Variants in DMBT1 observed in about 807,000 individuals in gnomAD.
DMBT1 encodes deleted in malignant brain tumors 1, also known as scavenger receptor cysteine-rich domain-containing protein DMBT1.
A neutral mutation model predicts 252.9 loss-of-function variants in DMBT1; 198 were observed. The ratio of observed to expected loss-of-function variants is 0.78; its 90% CI spans 0.70 to 0.88. The LOEUF is 0.88. Ranked by LOEUF, DMBT1 falls within the 40% of genes least tolerant of loss-of-function variation. The pLI is 0.00. For missense variants in DMBT1, 2,432 were observed against 2,404.7 expected (o/e 1.01, Z -0.24); for synonymous variants, 990 against 942.7 (o/e 1.05, Z -0.92).
chr10:122,629,131 A>G (rs2098139293), intron 46 of DMBT1, among the ~76,000 whole-genome samples: 1 of 152,224 alleles, frequency 6.6e-6, no homozygotes, highest in African/African-American at 2.4e-5. Flanking sequence ...CTGGGTGCTT[A>G]TGTGCCTGGC....
In DMBT1 at chr10:122,598,875, G is replaced by A; in HGVS notation, c.3058G>A (p.Asp1020Asn). The change falls in exon 26 of 56, where the codon GAC becomes AAC. Residue 1020 changes from aspartate (D) to asparagine (N), a missense_variant. Physicochemically the swap from Asp to Asn is conservative, Grantham distance 23. Around this residue, in one of 3 missense-constraint regions of DMBT1, gnomAD observed 1,264 missense variants for 1,082.2 expected, o/e 1.17. Coordinates refer to ENST00000338354, the MANE Select transcript of DMBT1 (RefSeq NM_001377530.1). ...YQGSWGTVCD[D>N]SWDTNDANVV... ...AGGCTCCTGGGGCACCGTGTGCGAT[G>A]ACAGCTGGGACACCAATGATGCCAA... is the stretch of plus-strand genomic sequence containing the variant. The A allele has an allele frequency of 1.2e-6, 2 of 1,613,846 alleles. No individual in the cohort carries two copies. Among genetic ancestry groups the A allele is most frequent in the East Asian group, 2.2e-5 (1 of 44,868 alleles).
intron 26 of DMBT1, 88 bp downstream of exon 26, chr10:122,599,185 A>C: frequency 1.3e-6 from 2 of 1,596,628 alleles, no homozygotes; most frequent in South Asian, 2.3e-5. Flanking sequence ...TCCTCACTCA[A>C]AGCTTCTTCT....
intron 42 of DMBT1, among the ~76,000 whole-genome samples, chr10:122,619,644 T>C (rs1395116389): frequency 6.6e-6 from 1 of 152,240 alleles, no homozygotes; most frequent in East Asian, 1.9e-4. Flanking sequence ...TATTCAGAGC[T>C]GATACAACCT....
chr10:122,579,886 G>T lies in DMBT1; in HGVS notation c.988G>T (p.Gly330Cys), dbSNP rs1242808802. The T allele has an allele frequency of 1.2e-6, 2 of 1,613,854 alleles. No homozygotes were observed. Among genetic ancestry groups the T allele is most frequent in the South Asian group, 2.2e-5 (2 of 91,082 alleles). ...CAACTGTGGCCATAGTGAAGACGCT[G>T]GTGTCATCTGCTCAGGTGGGCCTTC... ...THNCGHSEDA[G>C]VICSAPQSRP... is the part of the protein sequence containing the mutation. Residue 330 changes from glycine to cysteine, a missense_variant, in exon 10 of 56, where the codon GGT becomes TGT. This residue lies in a region of DMBT1 where 1,264 missense variants were observed against 1,082.2 expected (regional missense o/e 1.17). Transcript: ENST00000338354.
Position 122,636,045 on chromosome 10 carries a change from C to T in DMBT1, c.6603C>T (p.Arg2201=). ...TTGAAGTTTTCGATGGCCCCTACCG[C>T]AGTTCCCCTCTCATTGCTCGAGTTT... ...DYIEVFDGPY[R]SSPLIARVCD... The change falls in exon 53 of 56, where the codon CGC becomes CGT. Residue 2201 remains arginine, a synonymous_variant. Transcript: ENST00000338354. The T allele has an allele frequency of 3.7e-6, 6 of 1,613,988 alleles. No homozygotes were observed. The highest frequency in any genetic ancestry group is 5.1e-6 in the Non-Finnish European group (6 of 1,179,898).
intron 42 of DMBT1, 86 bp downstream of exon 42, chr10:122,619,423 T>G (rs2098039323): frequency 6.4e-7 from 1 of 1,557,718 alleles, no homozygotes; most frequent in African/African-American, 1.4e-5. Context: ...CTCCTGCTTT[T>G]CTGTGCGGAT....
intron 25 of DMBT1, 132 bp from the exon 26 acceptor site, chr10:122,598,642 T>G: frequency 1.3e-6 from 2 of 1,539,200 alleles, no homozygotes; most frequent in Non-Finnish European, 8.7e-7. Context: ...AATCTCTGAT[T>G]TTATTCATAT....
chr10:122,564,910 C>CA (rs774096397), intron 1 of DMBT1, among the ~76,000 whole-genome samples: 5 of 152,044 alleles, frequency 3.3e-5, no homozygotes, highest in African/African-American at 1.2e-4. Flanking sequence ...CTAATTATTG[C>CA]AGAAACATCT....
intron 5 of DMBT1, among the ~76,000 whole-genome samples, chr10:122,573,384 T>C (rs2097683513): frequency 6.6e-6 from 1 of 152,368 alleles, no homozygotes; most frequent in South Asian, 2.1e-4. Context: ...AGGGTGTGTT[T>C]GAGCCATAGA....
At chr10:122,600,550 GTT>G (rs1325219503) in intron 27 of DMBT1, among the ~76,000 whole-genome samples, 1 of 152,230 alleles carries the variant, frequency 6.6e-6, no homozygotes, top group Non-Finnish European at 1.5e-5. Context: ...AAAAGGCAGA[GTT>G]TGTGCTTGGG....
intron 7 of DMBT1, among the ~76,000 whole-genome samples, chr10:122,577,406 G>T (rs1183406199): frequency 1.3e-5 from 2 of 152,214 alleles, no homozygotes; most frequent in African/African-American, 4.8e-5. Context: ...AGTGAGCTCA[G>T]CATAGGGAGC....
At chr10:122,573,575 C>A in intron 5 of DMBT1, 140 bp from the exon 6 acceptor site, 1 of 1,045,632 alleles carries the variant, frequency 9.6e-7, no homozygotes, top group Non-Finnish European at 1.5e-6. Flanking sequence ...AAGCGATTGG[C>A]ACATGGTTGG....
intron 50 of DMBT1, 90 bp downstream of exon 50, chr10:122,631,965 T>C: frequency 7.0e-7 from 1 of 1,426,100 alleles, no homozygotes; most frequent in Non-Finnish European, 9.9e-7. Flanking sequence ...TTGCTCACTC[T>C]CCAAGGAGTT....
intron 1 of DMBT1, among the ~76,000 whole-genome samples, chr10:122,564,952 C>G (rs2097577794): frequency 6.6e-6 from 1 of 152,084 alleles, no homozygotes; most frequent in African/African-American, 2.4e-5. Flanking sequence ...TTTGCCATCA[C>G]AAGTAGAAAA....
intron 44 of DMBT1, among the ~76,000 whole-genome samples, chr10:122,623,534 AT>A (rs2098090218): frequency 6.6e-6 from 1 of 152,174 alleles, no homozygotes; most frequent in African/African-American, 2.4e-5. Flanking sequence ...ATGCCTGAGA[AT>A]TCTGATTCCT....
rs565618253 is a variant in DMBT1, at chr10:122,598,866, G to C, written c.3049G>C (p.Val1017Leu). Residue 1017 changes from valine (V) to leucine (L), a missense_variant, in exon 26 of 56, where the codon GTG becomes CTG. By Grantham distance (32) the Val-to-Leu change is conservative (BLOSUM62 1). Coordinates refer to ENST00000338354, the MANE Select transcript of DMBT1 (RefSeq NM_001377530.1). ...CCTATACCAAGGCTCCTGGGGCACC[G>C]TGTGCGATGACAGCTGGGACACCAA... Reference protein sequence around the residue: ...EVLYQGSWGTVCDDSWDTNDA... With the variant: ...EVLYQGSWGTLCDDSWDTNDA... The C allele has an allele frequency of 1.2e-6, 2 of 1,613,738 alleles. No homozygotes were observed. The highest frequency in any genetic ancestry group is 2.7e-5 in the African/African-American group (2 of 74,936).
rs1446102428 is a variant in DMBT1, at chr10:122,633,209, G to C, written c.6416G>C (p.Gly2139Ala). 2 of 1,613,982 alleles carry C rather than the reference G, an allele frequency of 1.2e-6. No individual in the cohort carries two copies. The highest frequency in any genetic ancestry group is 4.5e-5 in the East Asian group (2 of 44,882). ...TRPNTDYSCG[G>A]FLSQPSGDFS... ...CTGACAGCAGATTATTCCTGCGGAG[G>C]CTTCCTATCCCAACCATCAGGGGAC... is the stretch of plus-strand genomic sequence containing the variant. The change falls in exon 52 of 56, where the codon GGC becomes GCC. Residue 2139 changes from glycine (G) to alanine (A), a missense_variant. Gly to Ala is a moderately conservative substitution (Grantham distance 60). Coordinates refer to ENST00000338354, the MANE Select transcript of DMBT1 (RefSeq NM_001377530.1).
At position 122,631,301 on chromosome 10, in the gene DMBT1, A is replaced by G. The variant is rs756894301; in HGVS notation, c.6346+20A>G. On this transcript the variant is annotated intron_variant, in intron 49 of 55. Coordinates refer to ENST00000338354, the MANE Select transcript of DMBT1 (RefSeq NM_001377530.1). ...GCTCAGGTATGGCCCAATGCCATGG[A>G]AGGCCCATTTCACCTGTAACTTGCT... 4.4e-6 allele frequency: 7 copies of G among 1,606,850 alleles called. No homozygotes were observed. The highest frequency in any genetic ancestry group is 6.0e-6 in the Non-Finnish European group (7 of 1,174,108).
chr10:122,598,878 A>T lies in DMBT1; in HGVS notation c.3061A>T (p.Ser1021Cys), dbSNP rs776888953. ...QGSWGTVCDD[S>C]WDTNDANVVC... ...CTCCTGGGGCACCGTGTGCGATGAC[A>T]GCTGGGACACCAATGATGCCAATGT... is the stretch of plus-strand genomic sequence containing the variant. The change falls in exon 26 of 56, where the codon AGC becomes TGC. Residue 1021 changes from serine to cysteine, a missense_variant. Physicochemically the swap from Ser to Cys is moderately radical, Grantham distance 112. Transcript: ENST00000338354. The T allele has an allele frequency of 6.8e-6, 11 of 1,613,860 alleles. No individual in the cohort carries two copies. Among genetic ancestry groups the T allele is most frequent in the Middle Eastern group, 3.3e-4 (2 of 6,044 alleles).
Sources: allele counts gnomAD v4.1 joint callset (sites outside exome capture counted in the v4.1 genomes callset), GRCh38; gene constraint gnomAD v4.1.1; regional missense constraint gnomAD v4.1.1; transcripts MANE v1.5; gene names NCBI Gene and HGNC (gene_info 2026-07-23, HGNC 2026-07-21).